UGP2: variants seen among roughly 807,000 people sequenced by gnomAD.
The protein encoded by UGP2 is UDP-glucose pyrophosphorylase 2.
Under a neutral mutation model 49.0 loss-of-function variants are expected in UGP2, and 40 were observed. That is an observed-to-expected ratio of 0.82 (90% CI 0.63 to 1.06). The LOEUF (loss-of-function observed/expected upper bound fraction) is 1.06. UGP2 is among the 50% of genes least tolerant of loss of function. The pLI is 0.00. For missense variants in UGP2, 460 were observed against 603.5 expected (o/e 0.76, Z 2.49); for synonymous variants, 225 against 213.0 (o/e 1.06, Z -0.49).
chr2:63,890,040 C>G, intron 8 of UGP2, 41 bp from the exon 9 acceptor site: 1 of 1,465,062 alleles, frequency 6.8e-7, no homozygotes. Context: ...TTTCTTTGAA[C>G]CCATTTGAGA....
chr2:63,870,512 G>A (rs1025799195), intron 3 of UGP2, among the ~76,000 whole-genome samples: 5 of 152,100 alleles, frequency 3.3e-5, no homozygotes, highest in Non-Finnish European at 7.4e-5. Context: ...TGTATATAAC[G>A]TCTATTGATC....
rs34467113 is a variant in UGP2 at position 63,881,348 on chromosome 2, T to TACACACAC, written c.256-1095_256-1088dup. Reference sequence around the variant, plus strand: ...TTCTTTCCCAGTCACACCTACCCATTACACACACACACACACACACACACA... The same window carrying TACACACAC: ...TTCTTTCCCAGTCACACCTACCCATTACACACACACACACACACACACACACACACACA... On this transcript the variant is annotated intron_variant, in intron 3 of 9. Transcript: ENST00000337130. Among the ~76,000 whole-genome samples the TACACACAC allele has an allele frequency of 8.6e-3, 1,256 of 145,908 alleles. 21 individuals are homozygous for TACACACAC. The highest frequency in any genetic ancestry group is 0.03 in the African/African-American group (1,192 of 39,660).
intron 4 of UGP2, 99 bp from the exon 5 acceptor site, chr2:63,883,861 T>A (rs1399924051): frequency 1.4e-6 from 2 of 1,437,272 alleles, no homozygotes; most frequent in Non-Finnish European, 1.9e-6. Flanking sequence ...ACAGATGATG[T>A]TTTAGATATT....
intron 3 of UGP2, among the ~76,000 whole-genome samples, chr2:63,864,868 T>A (rs1670075518): frequency 6.6e-6 from 1 of 152,170 alleles, no homozygotes; most frequent in Admixed American, 6.5e-5. Context: ...TACTGTGTGA[T>A]AGGCACTGGG....
At chr2:63,887,293 A>C in intron 7 of UGP2, 109 bp from the exon 8 acceptor site, 1 of 1,461,358 alleles carries the variant, frequency 6.8e-7, no homozygotes. Context: ...TTTTTTTTCC[A>C]TCAATGGATC....
rs114609411 is a variant in UGP2, at chr2:63,875,845, A to G, written c.256-6621A>G. Among the ~76,000 whole-genome samples, 704 of 152,296 alleles carry G rather than the reference A, an allele frequency of 4.6e-3. 6 individuals are homozygous for G. The highest frequency in any genetic ancestry group is 0.016 in the African/African-American group (680 of 41,566). On this transcript the variant is annotated intron_variant, in intron 3 of 9. Transcript: ENST00000337130. The stretch of plus-strand genomic sequence containing the variant: ...GGTCTTAGAACACTGAATTTTATTC[A>G]TGTTTTGGGAAAGAGAGAAACAGGG...
intron 3 of UGP2, among the ~76,000 whole-genome samples, chr2:63,859,512 G>T (rs1445655099): frequency 6.6e-6 from 1 of 151,986 alleles, no homozygotes; most frequent in East Asian, 1.9e-4. Context: ...TTGAAGTGGG[G>T]GTCAGAGGGT....
intron 5 of UGP2, 32 bp downstream of exon 5, chr2:63,884,125 G>A (rs1176775154): frequency 6.2e-7 from 1 of 1,607,900 alleles, no homozygotes; most frequent in Non-Finnish European, 8.5e-7. Flanking sequence ...CTCTGGGTAT[G>A]TTACTCCTGG....
At chr2:63,850,256 G>A (rs1004225831) in intron 1 of UGP2, among the ~76,000 whole-genome samples, 1 of 152,054 alleles carries the variant, frequency 6.6e-6, no homozygotes, top group East Asian at 1.9e-4. Flanking sequence ...TTAGCGAGCT[G>A]CTCTGCATAT....
rs542933976 is a variant in UGP2 at position 63,862,324 on chromosome 2, TATAG to T, written c.255+4390_255+4393del. 7.0e-3 allele frequency among the ~76,000 whole-genome samples: 1,067 copies of T among 152,214 alleles called. 9 individuals carry two copies. Among genetic ancestry groups the T allele is most frequent in the Non-Finnish European group, 5.9e-3 (400 of 68,014 alleles). ...GACATAAAGTTTTAAAACAGTAATA[TATAG>T]AAATACTGACACTAAGCAGACATAC... On this transcript the variant is annotated intron_variant, in intron 3 of 9. Coordinates refer to ENST00000337130, the MANE Select transcript of UGP2 (RefSeq NM_006759.4).
At chr2:63,885,953 A>G (rs1229663836) in intron 6 of UGP2, 67 bp downstream of exon 6, 1 of 1,466,170 alleles carries the variant, frequency 6.8e-7, no homozygotes, top group Non-Finnish European at 9.0e-7. Context: ...GAAGTTAAAG[A>G]CTTTTTTATT....
At chr2:63,871,727 A>G (rs924837985) in intron 3 of UGP2, among the ~76,000 whole-genome samples, 3 of 152,254 alleles carry the variant, frequency 2.0e-5, no homozygotes, top group Non-Finnish European at 4.4e-5. Flanking sequence ...TTTATATGGC[A>G]GCGTTCTTGC....
intron 3 of UGP2, among the ~76,000 whole-genome samples, chr2:63,862,332 TACTG>T (rs1324990325): frequency 6.6e-6 from 1 of 151,962 alleles, no homozygotes; most frequent in Non-Finnish European, 1.5e-5. Context: ...TATATAGAAA[TACTG>T]ACACTAAGCA....
At chr2:63,859,366 C>T (rs537958643) in intron 3 of UGP2, among the ~76,000 whole-genome samples, 16 of 152,006 alleles carry the variant, frequency 1.1e-4, no homozygotes, top group Non-Finnish European at 2.1e-4. Flanking sequence ...CTTAACTTTT[C>T]GGAGACAGAG....
rs577848787 is a variant in UGP2 at position 63,886,219 on chromosome 2, A to C, written c.874-122A>C. 38 of 1,030,276 alleles carry C rather than the reference A, an allele frequency of 3.7e-5. No homozygotes were observed. In the African/African-American group the frequency reaches 4.6e-4, roughly 12 times the overall value. The allele number at this position is 1,030,276 out of a possible 1,614,324, so 63.8% of individuals were successfully genotyped here. ...ATGTTATTTCATTGTCCCTTTTATGAAAATTTACTCTGTTTCTACATAATG... is the reference window on the plus strand; with the variant it reads ...ATGTTATTTCATTGTCCCTTTTATGCAAATTTACTCTGTTTCTACATAATG... On this transcript the variant is annotated intron_variant, in intron 6 of 9. Transcript: ENST00000337130.
chr2:63,862,448 C>T (rs1669914194), intron 3 of UGP2, among the ~76,000 whole-genome samples: 1 of 152,080 alleles, frequency 6.6e-6, no homozygotes, highest in South Asian at 2.1e-4. Context: ...CTTCACATTC[C>T]TTCGTGTACA....
chr2:63,842,404 C>G, intron 1 of UGP2, 200 bp downstream of exon 1: 1 of 1,586,240 alleles, frequency 6.3e-7, no homozygotes, highest in Non-Finnish European at 8.5e-7. Flanking sequence ...GCTCCTGTAC[C>G]CTGCTGGGTT....
intron 9 of UGP2, 24 bp downstream of exon 9, chr2:63,890,209 T>C: frequency 2.0e-6 from 3 of 1,534,372 alleles, no homozygotes; most frequent in Non-Finnish European, 2.7e-6. Context: ...ATGAAAATTA[T>C]ATTTCTTACA....
At chr2:63,851,686 G>T (rs922926961) in intron 1 of UGP2, among the ~76,000 whole-genome samples, 1 of 152,066 alleles carries the variant, frequency 6.6e-6, no homozygotes, top group Non-Finnish European at 1.5e-5. Context: ...GCATGGTTTC[G>T]AACAATCTTA....
Sources: allele counts gnomAD v4.1 joint callset (sites outside exome capture counted in the v4.1 genomes callset), GRCh38; gene constraint gnomAD v4.1.1; transcripts MANE v1.5; gene names NCBI Gene and HGNC (gene_info 2026-07-23, HGNC 2026-07-21).